PROX1: variants seen among roughly 807,000 people sequenced by gnomAD.
PROX1 encodes the protein prospero homeobox 1, also known as prospero homeobox protein 1.
In PROX1, 7 loss-of-function variants were observed where a neutral mutation model predicts 58.8. That is an observed-to-expected ratio of 0.12 (90% CI 0.07 to 0.22). PROX1 has a LOEUF of 0.22. PROX1 is among the 10% of genes least tolerant of loss of function. The pLI, the probability that PROX1 is intolerant of heterozygous loss-of-function variation, is 1.00. For synonymous variants in PROX1, 350 were observed against 358.3 expected, an observed-to-expected ratio of 0.98 and a Z score of 0.26; for missense variants, 675 against 927.8, an observed-to-expected ratio of 0.73 and a Z score of 3.54.
chr1:214,036,691 AC>A lies in PROX1; in HGVS notation c.*858del, dbSNP rs1664841247. On this transcript the variant is annotated 3_prime_UTR_variant, in exon 5 of 5. Transcript: ENST00000366958. ...CTAAAAGGCACTAAGTTTCCAATTT[AC>A]GCTGCTCAACTTTGTTTATATGCTT... The A allele has an allele frequency of 6.6e-6, 1 of 152,230 alleles. No homozygotes were observed. The highest frequency in any genetic ancestry group is 6.5e-5 in the Admixed American group (1 of 15,288). The allele number at this position is 152,230 out of a possible 1,614,324, so 9.4% of individuals were successfully genotyped here. A position where few individuals can be genotyped will look rare whatever the true frequency, so the allele number is the denominator to read the frequency against.
chr1:214,010,829 G>GA (rs1316417119), intron 3 of PROX1, among the ~76,000 whole-genome samples: 1 of 152,182 alleles, frequency 6.6e-6, no homozygotes, highest in Admixed American at 6.5e-5. Context: ...CCAAATGGCA[G>GA]AGATACCAAG....
At chr1:214,015,052 G>GT (rs1177573176) in intron 4 of PROX1, among the ~76,000 whole-genome samples, 2 of 152,182 alleles carry the variant, frequency 1.3e-5, no homozygotes, top group South Asian at 4.1e-4. Flanking sequence ...CTAAGTGGCA[G>GT]TAGAGCTTGT....
chr1:213,990,630 CAG>C (rs71165943), intron 1 of PROX1, among the ~76,000 whole-genome samples: 68,895 of 139,070 alleles, frequency 0.5, 16,409 homozygotes, highest in East Asian at 0.61. Flanking sequence ...CTGTGCTTGG[CAG>C]AGAGAGAGAG....
intron 3 of PROX1, among the ~76,000 whole-genome samples, chr1:214,010,003 C>T (rs1663851559): frequency 6.6e-6 from 1 of 152,118 alleles, no homozygotes; most frequent in Non-Finnish European, 1.5e-5. Context: ...ACTCCAAGTT[C>T]AGCAAATCGT....
intron 3 of PROX1, among the ~76,000 whole-genome samples, chr1:214,009,087 G>A (rs563524767): frequency 5.3e-5 from 8 of 152,250 alleles, no homozygotes; most frequent in Admixed American, 3.3e-4. Flanking sequence ...TTTTCAAGCC[G>A]GCAGTGTTAA....
chr1:213,988,556 T>C (rs932928086), intron 1 of PROX1, 73 bp downstream of exon 1: 14 of 152,180 alleles, frequency 9.2e-5, no homozygotes, highest in African/African-American at 3.1e-4. Flanking sequence ...TGTTCTTGAA[T>C]GAGAAAGGAA....
chr1:213,998,678 T>C (rs1472751053), intron 2 of PROX1, among the ~76,000 whole-genome samples: 2 of 152,320 alleles, frequency 1.3e-5, no homozygotes, highest in African/African-American at 4.8e-5. Context: ...TTTAATAGAA[T>C]AAGGAGAAAA....
upstream of PROX1, chr1:213,986,261 T>TG (rs1338643752): frequency 6.8e-6 from 1 of 148,110 alleles, no homozygotes; most frequent in Non-Finnish European, 1.5e-5. Flanking sequence ...GGGGAGTGTG[T>TG]GGGGGCGGCA....
Position 214,005,264 on chromosome 1 carries a change from G to A in PROX1, c.1825G>A (p.Asp609Asn). ...CAATATGCTGAAGACCTACTTCTCC[G>A]ACGTAAAGGTAGGGACTTTTTTTAT... is the stretch of plus-strand genomic sequence containing the variant. ...SSNMLKTYFSDVKFNRCITSQ... is the reference protein window; with the variant it reads ...SSNMLKTYFSNVKFNRCITSQ... Residue 609 changes from aspartate to asparagine, a missense_variant, in exon 3 of 5, where the codon GAC becomes AAC. Physicochemically the swap from Asp to Asn is conservative, Grantham distance 23. This residue lies in a region of PROX1 where 39 missense variants were observed against 73.4 expected (regional missense o/e 0.53). Transcript: ENST00000366958. 2 of 1,609,946 alleles carry A rather than the reference G, an allele frequency of 1.2e-6. No individual in the cohort carries two copies. The highest frequency in any genetic ancestry group is 1.1e-5 in the South Asian group (1 of 90,666).
chr1:214,028,330 T>G (rs536424321), intron 4 of PROX1, among the ~76,000 whole-genome samples: 2,261 of 152,298 alleles, frequency 0.015, 22 homozygotes, highest in Non-Finnish European at 0.019. Context: ...GTGCTCAGTG[T>G]TCAATACACA....
chr1:214,029,776 G>A (rs1664582757), intron 4 of PROX1: 1 of 152,282 alleles, frequency 6.6e-6, no homozygotes, highest in Middle Eastern at 3.4e-3. Context: ...GCTAGATCGA[G>A]GGGTTTTGTT....
Position 214,025,811 on chromosome 1 carries a change from G to A in PROX1, c.2029-9838G>A, listed in dbSNP as rs534654122. ...TGAATAGCTGGGATTGCGGGCGCCA[G>A]CCACCACGCCCGGCTAATTTTTTTG... is the stretch of plus-strand genomic sequence containing the variant. On this transcript the variant is annotated intron_variant, in intron 4 of 4. Transcript: ENST00000366958. Among the ~76,000 whole-genome samples, 306 of 152,240 alleles carry A rather than the reference G, an allele frequency of 2.0e-3. 1 individual carries two copies. The highest frequency in any genetic ancestry group is 7.0e-3 in the African/African-American group (291 of 41,552).
intron 1 of PROX1, among the ~76,000 whole-genome samples, chr1:213,995,606 C>T (rs989857084): frequency 6.6e-6 from 1 of 151,962 alleles, no homozygotes; most frequent in Admixed American, 6.6e-5. Context: ...ATCTTTATCT[C>T]GGTCAATAAC....
intron 1 of PROX1, among the ~76,000 whole-genome samples, chr1:213,995,639 C>T (rs1663236560): frequency 1.3e-5 from 2 of 152,042 alleles, no homozygotes; most frequent in Middle Eastern, 3.2e-3. Flanking sequence ...ATATTGATTT[C>T]TAAAATGTGG....
Position 213,988,059 on chromosome 1 carries a change from C to G in PROX1, c.-492C>G, listed in dbSNP as rs1455073658. On this transcript the variant is annotated 5_prime_UTR_variant, in exon 1 of 5. Transcript: ENST00000366958. ...AGAGCTCTCGCCGGGTCCGCCTGCT[C>G]CCTCTCCGCTTCGCTCCTCTTCTCT... 6.6e-6 allele frequency: 1 copy of G among 152,214 alleles called. No homozygotes were observed. The highest frequency in any genetic ancestry group is 2.0e-4 in the East Asian group (1 of 5,018). The allele number at this position is 152,214 out of a possible 1,614,324, so 9.4% of individuals were successfully genotyped here.
Position 213,997,083 on chromosome 1 carries a change from C to A in PROX1, c.548C>A (p.Ala183Glu). 1 of 1,613,864 alleles carries A rather than the reference C, an allele frequency of 6.2e-7. No individual in the cohort carries two copies. Reference protein sequence around the residue: ...IRGMSHSPSVALRGNENEREM... With the variant: ...IRGMSHSPSVELRGNENEREM... ...GGTATGAGCCATTCCCCCAGTGTGG[C>A]ATTAAGGGGCAATGAAAATGAAAGA... The change falls in exon 2 of 5, where the codon GCA (alanine) becomes GAA (glutamate). Residue 183 changes from alanine (A) to glutamate (E), a missense_variant. Around this residue, in one of 8 missense-constraint regions of PROX1, gnomAD observed 403 missense variants for 477.4 expected, o/e 0.84. Coordinates refer to ENST00000366958, the MANE Select transcript of PROX1 (RefSeq NM_001270616.2). The surrounding 1 kb of genome is among the most constrained non-coding windows in gnomAD (Gnocchi z 7.1).
chr1:213,988,206 C>T lies in PROX1; in HGVS notation c.-345C>T, dbSNP rs1477066407. 6.6e-6 allele frequency: 1 copy of T among 152,370 alleles called. No homozygotes were observed. Among genetic ancestry groups the T allele is most frequent in the Non-Finnish European group, 1.5e-5 (1 of 68,546 alleles). The allele number at this position is 152,370 out of a possible 1,614,324, so 9.4% of individuals were successfully genotyped here. A position where few individuals can be genotyped will look rare whatever the true frequency, so the allele number is the denominator to read the frequency against. On this transcript the variant is annotated 5_prime_UTR_variant, in exon 1 of 5. Coordinates refer to ENST00000366958, the MANE Select transcript of PROX1 (RefSeq NM_001270616.2). ...TCTTCTTTTCTTCTCCTCTTCTTCC[C>T]TCTCCTCGCCTCTCCCCTGCTCCTC...
At position 214,036,469 on chromosome 1, in the gene PROX1, C is replaced by G. The variant is rs1664833800; in HGVS notation, c.*635C>G. The G allele has an allele frequency of 2.6e-5, 4 of 152,160 alleles. No homozygotes were observed. The allele number at this position is 152,160 out of a possible 1,614,324, so 9.4% of individuals were successfully genotyped here. A position where few individuals can be genotyped will look rare whatever the true frequency, so the allele number is the denominator to read the frequency against. ...CCTTGTCTAAGAAAAGAGGCAAACT[C>G]TGAAAGTCGTACCAGTTTCTTCTGG... is the stretch of plus-strand genomic sequence containing the variant. On this transcript the variant is annotated 3_prime_UTR_variant, in exon 5 of 5. Coordinates refer to ENST00000366958, the MANE Select transcript of PROX1 (RefSeq NM_001270616.2).
intron 4 of PROX1, among the ~76,000 whole-genome samples, chr1:214,032,297 TCATA>T (rs1664683215): frequency 6.6e-6 from 1 of 152,248 alleles, no homozygotes; most frequent in South Asian, 2.1e-4. Context: ...TTTCTTCATC[TCATA>T]CAATCTCATG....
Sources: gnomAD v4.1 joint callset for allele counts (sites outside exome capture counted in the v4.1 genomes callset) on GRCh38, gnomAD v4.1.1 for gene constraint, gnomAD v4.1.1 regional missense constraint, Gnocchi (gnomAD v3.1) non-coding constraint, MANE v1.5 for transcripts, NCBI Gene and HGNC (gene_info 2026-07-23, HGNC 2026-07-21) for gene names.